Variants in MIPOL1 observed in about 807,000 individuals in gnomAD.
MIPOL1 encodes the protein mirror-image polydactyly gene 1 protein.
MIPOL1 carries 57 observed loss-of-function variants against 60.9 expected under a neutral mutation model. The observed-to-expected ratio is 0.94, with a 90% CI of 0.76 to 1.17. The LOEUF (loss-of-function observed/expected upper bound fraction) is 1.17. Ranked by LOEUF, MIPOL1 falls within the 50% of genes most tolerant of loss-of-function variation. The probability of loss-of-function intolerance (pLI) is 0.00; values close to 1 mark genes in which losing one functional copy is unlikely to be tolerated. For synonymous variants in MIPOL1, 179 were observed against 168.8 expected, an observed-to-expected ratio of 1.06 and a Z score of -0.47; for missense variants, 551 against 511.6, an observed-to-expected ratio of 1.08 and a Z score of -0.74.
intron 1 of MIPOL1, among the ~76,000 whole-genome samples, chr14:37,210,103 C>T (rs1218868514): frequency 6.6e-6 from 1 of 151,966 alleles, no homozygotes; most frequent in South Asian, 2.1e-4. Flanking sequence ...CTGTGTTTCC[C>T]TCTTCTCTCA....
chr14:37,250,643 G>A (rs771437375), intron 3 of MIPOL1, among the ~76,000 whole-genome samples: 4 of 152,012 alleles, frequency 2.6e-5, no homozygotes, highest in Non-Finnish European at 4.4e-5. Flanking sequence ...ATCTCACATC[G>A]TCATCTCCCT....
intron 7 of MIPOL1, among the ~76,000 whole-genome samples, chr14:37,300,685 A>AT (rs1246845806): frequency 0.032 from 500 of 15,528 alleles, 222 homozygotes; most frequent in Admixed American, 0.04. Context: ...ATTTTTAGAA[A>AT]TTTTTTTTAG....
intron 12 of MIPOL1, chr14:37,502,913 T>C (rs999898250): frequency 2.6e-5 from 4 of 152,146 alleles, no homozygotes; most frequent in East Asian, 1.9e-4. Context: ...ATAAACAGTG[T>C]AGAGAAGACC....
intron 9 of MIPOL1, among the ~76,000 whole-genome samples, chr14:37,329,175 C>CA (rs1832954528): frequency 6.6e-6 from 1 of 151,550 alleles, no homozygotes; most frequent in Admixed American, 6.6e-5. Context: ...AATCACCACT[C>CA]AATAGTTTGA....
chr14:37,267,533 C>T (rs2082972343), intron 4 of MIPOL1, among the ~76,000 whole-genome samples: 1 of 151,720 alleles, frequency 6.6e-6, no homozygotes, highest in African/African-American at 2.4e-5. Context: ...ACTTTTTCTC[C>T]CTCCCTTCTT....
intron 3 of MIPOL1, among the ~76,000 whole-genome samples, chr14:37,255,564 C>A (rs1039994867): frequency 6.6e-6 from 1 of 151,606 alleles, no homozygotes; most frequent in Middle Eastern, 3.4e-3. Context: ...TGGTTTTATT[C>A]GAATCAAAAC....
Position 37,493,081 on chromosome 14 carries a change from A to G in MIPOL1, c.1032-6827A>G, listed in dbSNP as rs151166340. On this transcript the variant is annotated intron_variant, in intron 11 of 12. Transcript: ENST00000684589. ...TTACTGTAAAATAAATGAAGCATAAACAGAATAATAAGTGCATATTGTAGG... is the reference window on the plus strand; with the variant it reads ...TTACTGTAAAATAAATGAAGCATAAGCAGAATAATAAGTGCATATTGTAGG... Among the ~76,000 whole-genome samples, 740 of 152,316 alleles carry G rather than the reference A, an allele frequency of 4.9e-3. 4 individuals are homozygous for G. Among genetic ancestry groups the G allele is most frequent in the African/African-American group, 0.017 (699 of 41,574 alleles).
At chr14:37,220,415 C>T (rs975666793) in intron 1 of MIPOL1, among the ~76,000 whole-genome samples, 1 of 152,044 alleles carries the variant, frequency 6.6e-6, no homozygotes, top group Non-Finnish European at 1.5e-5. Flanking sequence ...TACTTTAATA[C>T]TTTTATTATC....
intron 11 of MIPOL1, among the ~76,000 whole-genome samples, chr14:37,453,654 A>G (rs554373281): frequency 9.2e-5 from 14 of 152,292 alleles, no homozygotes; most frequent in Middle Eastern, 3.4e-3. Context: ...CAAAAAAGGT[A>G]CTCACTAAAA....
Position 37,230,814 on chromosome 14 carries a change from C to T in MIPOL1, c.-198-16289C>T, listed in dbSNP as rs1486528261. ...GCTGTATACTAATGATATTGTGCTA[C>T]TGCATGGCAAACAAGGGAATGCAGC... On this transcript the variant is annotated intron_variant, in intron 1 of 12. Transcript: ENST00000684589. 8.5e-5 allele frequency among the ~76,000 whole-genome samples: 13 copies of T among 152,130 alleles called. No individual in the cohort carries two copies. The South Asian group carries it at 2.3e-3, about 27-fold the overall frequency.
Position 37,549,466 on chromosome 14 carries a change from T to C in MIPOL1, c.*2495T>C, listed in dbSNP as rs1409809703. 6.6e-6 allele frequency: 1 copy of C among 151,824 alleles called. No homozygotes were observed. The highest frequency in any genetic ancestry group is 1.9e-4 in the East Asian group (1 of 5,198). The allele number at this position is 151,824 out of a possible 1,614,324, so 9.4% of individuals were successfully genotyped here. ...ATTACTGTCATTATAATTATTATTA[T>C]ATTCATTCTACAGATGAGGAAACAG... On this transcript the variant is annotated 3_prime_UTR_variant, in exon 13 of 13. Coordinates refer to ENST00000684589, the MANE Select transcript of MIPOL1 (RefSeq NM_001388067.1).
intron 11 of MIPOL1, among the ~76,000 whole-genome samples, chr14:37,493,278 G>A (rs2095071323): frequency 6.6e-6 from 1 of 152,156 alleles, no homozygotes; most frequent in Admixed American, 6.6e-5. Flanking sequence ...CAATGAACAG[G>A]TAGGCAGACA....
chr14:37,256,920 A>T (rs1438696114), intron 3 of MIPOL1, among the ~76,000 whole-genome samples: 1 of 151,890 alleles, frequency 6.6e-6, no homozygotes, highest in East Asian at 1.9e-4. Context: ...TTTTTGTTTC[A>T]AGTACTTAAT....
At chr14:37,528,067 C>A (rs191150055) in intron 12 of MIPOL1, among the ~76,000 whole-genome samples, 1 of 151,934 alleles carries the variant, frequency 6.6e-6, no homozygotes. Flanking sequence ...ATATTAATAT[C>A]TTTTTGATTG....
At position 37,349,761 on chromosome 14, in the gene MIPOL1, G is replaced by A. The variant is rs988445074; in HGVS notation, c.829-19756G>A. On this transcript the variant is annotated intron_variant, in intron 9 of 12. Coordinates refer to ENST00000684589, the MANE Select transcript of MIPOL1 (RefSeq NM_001388067.1). ...TCTATATATTTCATTTACTTATTTC[G>A]TTTATTGTCTCTTTTCCCCAACTAG... 4.0e-5 allele frequency among the ~76,000 whole-genome samples: 6 copies of A among 151,566 alleles called. No individual in the cohort carries two copies. The East Asian group carries it at 7.8e-4, about 20-fold the overall frequency.
intron 10 of MIPOL1, among the ~76,000 whole-genome samples, chr14:37,407,417 C>T (rs775796390): frequency 1.8e-4 from 28 of 152,210 alleles, no homozygotes; most frequent in Non-Finnish European, 3.5e-4. Context: ...TTGTCAAAGG[C>T]AGTTGGGAGG....
chr14:37,469,335 G>T (rs1467213922), intron 11 of MIPOL1, among the ~76,000 whole-genome samples: 2 of 152,000 alleles, frequency 1.3e-5, no homozygotes, highest in Non-Finnish European at 2.9e-5. Flanking sequence ...AGAGCAGGGG[G>T]GTGCTACATA....
At position 37,405,635 on chromosome 14, in the gene MIPOL1, T is replaced by C. The variant is rs114356894; in HGVS notation, c.937-17220T>C. Among the ~76,000 whole-genome samples, 388 of 152,198 alleles carry C rather than the reference T, an allele frequency of 2.5e-3. 5 individuals carry two copies. Among genetic ancestry groups the C allele is most frequent in the African/African-American group, 9.2e-3 (384 of 41,564 alleles). On this transcript the variant is annotated intron_variant, in intron 10 of 12. Coordinates refer to ENST00000684589, the MANE Select transcript of MIPOL1 (RefSeq NM_001388067.1). ...GCTGGCTTGGACATGGACACCTGAATAAAACTGTTCATAAATGAGAGACTT... is the reference window on the plus strand; with the variant it reads ...GCTGGCTTGGACATGGACACCTGAACAAAACTGTTCATAAATGAGAGACTT...
chr14:37,402,397 T>C (rs2093500767), intron 10 of MIPOL1, among the ~76,000 whole-genome samples: 1 of 151,938 alleles, frequency 6.6e-6, no homozygotes, highest in Non-Finnish European at 1.5e-5. Flanking sequence ...GAAGCTGAAA[T>C]GAAATAGGAA....
Sources: allele counts gnomAD v4.1 joint callset (sites outside exome capture counted in the v4.1 genomes callset), GRCh38; gene constraint gnomAD v4.1.1; transcripts MANE v1.5; gene names NCBI Gene and HGNC (gene_info 2026-07-23, HGNC 2026-07-21).